The following CACNG3 variants were observed in gnomAD, a reference collection of about 807,000 sequenced individuals.
CACNG3 encodes voltage-dependent calcium channel gamma-3 subunit.
Under a neutral mutation model 28.5 loss-of-function variants are expected in CACNG3, and 3 were observed. That is an observed-to-expected ratio of 0.11 (90% CI 0.05 to 0.27). The LOEUF is 0.27. Among genes scored for constraint, CACNG3 ranks in the 10% least tolerant of loss-of-function variants. CACNG3 has a pLI of 1.00. For missense variants in CACNG3, 236 were observed against 414.4 expected (o/e 0.57, Z 3.74); for synonymous variants, 174 against 162.2 (o/e 1.07, Z -0.55).
At chr16:24,330,485 G>A (rs1458548796) in intron 1 of CACNG3, among the ~76,000 whole-genome samples, 1 of 152,216 alleles carries the variant, frequency 6.6e-6, no homozygotes, top group Non-Finnish European at 1.5e-5. Context: ...AGAGGCTGGA[G>A]CACCTCCTGA....
At chr16:24,312,884 A>G (rs1443437668) in intron 1 of CACNG3, among the ~76,000 whole-genome samples, 1 of 148,952 alleles carries the variant, frequency 6.7e-6, no homozygotes, top group Non-Finnish European at 1.5e-5. Context: ...AAAGAAAAAA[A>G]AGAAAGAAAA....
intron 1 of CACNG3, among the ~76,000 whole-genome samples, chr16:24,299,166 G>C (rs1373641184): frequency 6.6e-6 from 1 of 152,052 alleles, no homozygotes; most frequent in African/African-American, 2.4e-5. Flanking sequence ...TAAATTATTT[G>C]GGATTCTTCT....
chr16:24,296,938 G>T (rs1363517625), intron 1 of CACNG3, among the ~76,000 whole-genome samples: 1 of 152,132 alleles, frequency 6.6e-6, no homozygotes. Flanking sequence ...CTCAGTCCTG[G>T]CTGTGCAGGA....
At chr16:24,319,132 G>C (rs1021069665) in intron 1 of CACNG3, among the ~76,000 whole-genome samples, 1 of 152,156 alleles carries the variant, frequency 6.6e-6, no homozygotes, top group African/African-American at 2.4e-5. Context: ...AAAGAAACCG[G>C]GTTGATTTAA....
chr16:24,346,293 T>G (rs1433801642), intron 1 of CACNG3, among the ~76,000 whole-genome samples: 1 of 152,164 alleles, frequency 6.6e-6, no homozygotes, highest in Non-Finnish European at 1.5e-5. Context: ...TGTTGATGAC[T>G]GATCCCGTTG....
chr16:24,257,044 G>T, intron 1 of CACNG3, 79 bp downstream of exon 1: 1 of 902,236 alleles, frequency 1.1e-6, no homozygotes, highest in Non-Finnish European at 1.8e-6. Flanking sequence ...GATGGAAATG[G>T]TGATAAGGAA....
intron 1 of CACNG3, among the ~76,000 whole-genome samples, chr16:24,272,554 T>A (rs1218140761): frequency 6.6e-6 from 1 of 152,178 alleles, no homozygotes; most frequent in Non-Finnish European, 1.5e-5. Context: ...TAAGTTGAAT[T>A]TATTCAATTT....
At chr16:24,302,352 C>G (rs1319589763) in intron 1 of CACNG3, among the ~76,000 whole-genome samples, 1 of 152,230 alleles carries the variant, frequency 6.6e-6, no homozygotes, top group African/African-American at 2.4e-5. Context: ...CAGGAGTATA[C>G]AGCGTCCCCT....
intron 1 of CACNG3, among the ~76,000 whole-genome samples, chr16:24,325,757 C>T (rs1354210676): frequency 6.6e-6 from 1 of 152,214 alleles, no homozygotes; most frequent in Admixed American, 6.5e-5. Context: ...GTTTGCAGAG[C>T]AGGCATGGAG....
At chr16:24,279,686 C>T (rs957531391) in intron 1 of CACNG3, among the ~76,000 whole-genome samples, 1 of 152,148 alleles carries the variant, frequency 6.6e-6, no homozygotes, top group Admixed American at 6.6e-5. Flanking sequence ...GGGAGATGGA[C>T]TCATTGGCCA....
intron 1 of CACNG3, among the ~76,000 whole-genome samples, chr16:24,263,006 C>T (rs536289253): frequency 6.6e-6 from 1 of 152,304 alleles, no homozygotes; most frequent in African/African-American, 2.4e-5. Context: ...GTGAAACAAG[C>T]TTACCCAAGG....
intron 1 of CACNG3, among the ~76,000 whole-genome samples, chr16:24,328,470 T>C (rs965076229): frequency 4.6e-5 from 7 of 150,558 alleles, no homozygotes; most frequent in Non-Finnish European, 1.0e-4. Context: ...TGCAGACATA[T>C]ACAAAGGACA....
chr16:24,351,696 AAG>A (rs1285813470), intron 2 of CACNG3, among the ~76,000 whole-genome samples: 6 of 140,036 alleles, frequency 4.3e-5, no homozygotes, highest in South Asian at 2.5e-4. Context: ...GAAAGAAAGA[AAG>A]AGAAAGAAAG....
chr16:24,336,929 C>T (rs946268505), intron 1 of CACNG3, among the ~76,000 whole-genome samples: 2 of 152,146 alleles, frequency 1.3e-5, no homozygotes, highest in African/African-American at 4.8e-5. Flanking sequence ...ATCCTCCCAC[C>T]TTGGCTTTCT....
intron 1 of CACNG3, among the ~76,000 whole-genome samples, chr16:24,338,886 C>T (rs1899744944): frequency 6.6e-6 from 1 of 152,216 alleles, no homozygotes. Flanking sequence ...ACACCTTGAG[C>T]TACTTTGAGT....
At chr16:24,352,705 A>G (rs1899969192) in intron 2 of CACNG3, among the ~76,000 whole-genome samples, 1 of 152,008 alleles carries the variant, frequency 6.6e-6, no homozygotes, top group African/African-American at 2.4e-5. Flanking sequence ...ATGCCTGGCT[A>G]ATTTTTTATT....
At chr16:24,272,298 A>G (rs1480320718) in intron 1 of CACNG3, among the ~76,000 whole-genome samples, 1 of 152,136 alleles carries the variant, frequency 6.6e-6, no homozygotes, top group Non-Finnish European at 1.5e-5. Flanking sequence ...TTTCCTTTGT[A>G]CCCTCACTAT....
intron 1 of CACNG3, among the ~76,000 whole-genome samples, chr16:24,325,650 A>G (rs1051232889): frequency 6.6e-6 from 1 of 152,230 alleles, no homozygotes; most frequent in Non-Finnish European, 1.5e-5. Flanking sequence ...TTTGATGCTC[A>G]CAACAAGCCC....
intron 1 of CACNG3, among the ~76,000 whole-genome samples, chr16:24,316,673 G>A (rs1471894843): frequency 3.3e-5 from 5 of 152,122 alleles, no homozygotes; most frequent in Non-Finnish European, 5.9e-5. Context: ...ACTCCCCAAA[G>A]ACCTCAGGGC....
Sources: allele counts gnomAD v4.1 joint callset (sites outside exome capture counted in the v4.1 genomes callset), GRCh38; gene constraint gnomAD v4.1.1; transcripts MANE v1.5; gene names NCBI Gene and HGNC (gene_info 2026-07-23, HGNC 2026-07-21).